Variants in RBM47 observed in about 807,000 individuals in gnomAD.
The protein encoded by RBM47 is RNA binding motif protein 47.
In RBM47, 21 loss-of-function variants were observed where a neutral mutation model predicts 47.1. That is an observed-to-expected ratio of 0.45 (90% CI 0.32 to 0.64). The LOEUF is 0.64. Among genes scored for constraint, RBM47 ranks in the 30% least tolerant of loss-of-function variants. The pLI, the probability that RBM47 is intolerant of heterozygous loss-of-function variation, is 0.05. For synonymous variants in RBM47, 375 were observed against 361.7 expected, an observed-to-expected ratio of 1.04 and a Z score of -0.42; for missense variants, 708 against 870.9, an observed-to-expected ratio of 0.81 and a Z score of 2.35.
At chr4:40,469,474 C>T (rs1017827531) in intron 2 of RBM47, among the ~76,000 whole-genome samples, 1 of 150,828 alleles carries the variant, frequency 6.6e-6, no homozygotes, top group Admixed American at 6.6e-5. Context: ...CACTCCATCC[C>T]CCAGGCTGGA....
intron 2 of RBM47, among the ~76,000 whole-genome samples, chr4:40,517,686 A>AAT (rs1161302899): frequency 2.6e-5 from 4 of 152,170 alleles, no homozygotes; most frequent in Admixed American, 2.0e-4. Context: ...GTACCCCATA[A>AAT]ATATATATAC....
chr4:40,436,396 G>C (rs1712408401), intron 5 of RBM47, 45 bp downstream of exon 5: 1 of 1,561,082 alleles, frequency 6.4e-7, no homozygotes, highest in Non-Finnish European at 8.8e-7. Context: ...AGAAGGGCTG[G>C]GGTTTATGCT....
At chr4:40,570,239 T>C (rs749004824) in intron 1 of RBM47, among the ~76,000 whole-genome samples, 10 of 151,944 alleles carry the variant, frequency 6.6e-5, no homozygotes, top group Non-Finnish European at 1.0e-4. Context: ...ACTTTATTTC[T>C]ATTATTACAT....
intron 2 of RBM47, among the ~76,000 whole-genome samples, chr4:40,473,105 A>G (rs1719147676): frequency 6.6e-6 from 1 of 152,210 alleles, no homozygotes; most frequent in South Asian, 2.1e-4. Context: ...CAACCTAAGT[A>G]ACATAATAAT....
At chr4:40,516,962 C>T (rs189057177) in intron 2 of RBM47, among the ~76,000 whole-genome samples, 92 of 152,250 alleles carry the variant, frequency 6.0e-4, no homozygotes, top group African/African-American at 1.9e-3. Flanking sequence ...TATGCAAACC[C>T]AAGAGGAGTA....
intron 1 of RBM47, among the ~76,000 whole-genome samples, chr4:40,554,565 G>A (rs1217117000): frequency 6.6e-6 from 1 of 152,020 alleles, no homozygotes; most frequent in African/African-American, 2.4e-5. Context: ...TGCTCTCATT[G>A]AATTCTTTCC....
intron 1 of RBM47, among the ~76,000 whole-genome samples, chr4:40,572,790 CT>C (rs1276790722): frequency 6.6e-6 from 1 of 151,752 alleles, no homozygotes; most frequent in African/African-American, 2.4e-5. Context: ...ATTATGCATT[CT>C]TCAATTTTCC....
intron 1 of RBM47, among the ~76,000 whole-genome samples, chr4:40,555,469 A>G (rs934026922): frequency 6.6e-6 from 1 of 152,208 alleles, no homozygotes; most frequent in South Asian, 2.1e-4. Context: ...GGGTGTGATC[A>G]AGGAATACTG....
chr4:40,477,417 A>T (rs1719776037), intron 2 of RBM47, among the ~76,000 whole-genome samples: 1 of 152,180 alleles, frequency 6.6e-6, no homozygotes, highest in Non-Finnish European at 1.5e-5. Context: ...GGCTGAAGGA[A>T]CTCTGAAGCA....
rs1325603467 is a variant in RBM47 at position 40,628,516 on chromosome 4, G to A, written c.-240+880C>T. ...GCCAACCTTTTGAGCTCAAAACTTC[G>A]GCAACTCCTTCATGTTGGGTTGTCA... is the stretch of plus-strand genomic sequence containing the variant. On this transcript the variant is annotated intron_variant, in intron 1 of 6. Transcript: ENST00000295971. This position sits in a 1 kb window ranked among gnomAD's most constrained non-coding sequence, Gnocchi z 4.0. Among the ~76,000 whole-genome samples the A allele has an allele frequency of 2.6e-5, 4 of 152,080 alleles. No individual in the cohort carries two copies. Among genetic ancestry groups the A allele is most frequent in the South Asian group, 4.1e-4 (2 of 4,820 alleles).
At chr4:40,500,444 C>G (rs920414857) in intron 2 of RBM47, among the ~76,000 whole-genome samples, 5 of 151,772 alleles carry the variant, frequency 3.3e-5, no homozygotes, top group Non-Finnish European at 7.4e-5. Flanking sequence ...AACCCCATCT[C>G]TACAAAAAAT....
intron 2 of RBM47, among the ~76,000 whole-genome samples, chr4:40,471,122 C>T (rs1718799270): frequency 6.6e-6 from 1 of 152,152 alleles, no homozygotes; most frequent in African/African-American, 2.4e-5. Context: ...AGGAGACCAC[C>T]AGGTTGAGAG....
At chr4:40,431,604 G>A (rs541952059) in intron 6 of RBM47, among the ~76,000 whole-genome samples, 49 of 151,336 alleles carry the variant, frequency 3.2e-4, no homozygotes, top group African/African-American at 1.2e-3. Flanking sequence ...CTTGCAGTGA[G>A]CCGAGATGGC....
At chr4:40,452,736 G>C (rs1172476024) in intron 3 of RBM47, among the ~76,000 whole-genome samples, 1 of 151,124 alleles carries the variant, frequency 6.6e-6, no homozygotes, top group Non-Finnish European at 1.5e-5. Context: ...AACTTTGAGA[G>C]AGCAGAATTT....
Position 40,626,682 on chromosome 4 carries a change from G to C in RBM47, c.-240+2714C>G, listed in dbSNP as rs527647136. Among the ~76,000 whole-genome samples the C allele has an allele frequency of 2.6e-5, 4 of 152,240 alleles. No individual in the cohort carries two copies. In the East Asian group the frequency reaches 7.7e-4, roughly 29 times the overall value. On this transcript the variant is annotated intron_variant, in intron 1 of 6. Transcript: ENST00000295971. ...AGGTGGTCATTGACTTCAAGGGGAC[G>C]AGATCGCCCTCCCCACTGCCTCTCC...
At chr4:40,543,031 G>A (rs1182988148) in intron 2 of RBM47, 1 of 152,154 alleles carries the variant, frequency 6.6e-6, no homozygotes, top group African/African-American at 2.4e-5. Flanking sequence ...GCACATAGCA[G>A]GTGCTCAAAA....
At chr4:40,443,367 C>CA (rs1231584911) in intron 3 of RBM47, among the ~76,000 whole-genome samples, 1 of 151,696 alleles carries the variant, frequency 6.6e-6, no homozygotes. Flanking sequence ...TTCAGAGATG[C>CA]AAAAAAGACA....
chr4:40,536,796 G>C (rs1222413549), intron 2 of RBM47, among the ~76,000 whole-genome samples: 1 of 151,828 alleles, frequency 6.6e-6, no homozygotes, highest in Non-Finnish European at 1.5e-5. Flanking sequence ...CATGATCTCA[G>C]CTCACTATAA....
At chr4:40,493,656 C>G (rs1722196248) in intron 2 of RBM47, among the ~76,000 whole-genome samples, 1 of 151,676 alleles carries the variant, frequency 6.6e-6, no homozygotes, top group Non-Finnish European at 1.5e-5. Context: ...TGGTGGTGGG[C>G]ACATGTAATC....
Sources: gnomAD v4.1 joint callset for allele counts (sites outside exome capture counted in the v4.1 genomes callset) on GRCh38, gnomAD v4.1.1 for gene constraint, Gnocchi (gnomAD v3.1) non-coding constraint, MANE v1.5 for transcripts, NCBI Gene and HGNC (gene_info 2026-07-23, HGNC 2026-07-21) for gene names.